Variants in U2SURP observed in about 807,000 individuals in gnomAD.
The protein encoded by U2SURP is U2 snRNP-associated SURP motif-containing protein.
Under a neutral mutation model 144.9 loss-of-function variants are expected in U2SURP, and 9 were observed. The observed-to-expected ratio is 0.06, with a 90% CI of 0.04 to 0.11. The LOEUF (loss-of-function observed/expected upper bound fraction) is 0.11, where lower values mean the gene tolerates loss of function less well. U2SURP is among the 10% of genes least tolerant of loss of function. U2SURP has a pLI of 1.00. For missense variants in U2SURP, 724 were observed against 1,226.7 expected, an observed-to-expected ratio of 0.59 and a Z score of 6.12; for synonymous variants, 408 against 396.8, an observed-to-expected ratio of 1.03 and a Z score of -0.33.
intron 1 of U2SURP, among the ~76,000 whole-genome samples, chr3:143,004,711 A>T (rs1299457983): frequency 2.6e-5 from 4 of 151,856 alleles, no homozygotes; most frequent in Non-Finnish European, 5.9e-5. Flanking sequence ...ATTGTCCCTA[A>T]TGAAGAGACC....
intron 16 of U2SURP, among the ~76,000 whole-genome samples, chr3:143,029,137 G>T (rs1933328581): frequency 1.3e-5 from 2 of 152,200 alleles, no homozygotes; most frequent in Admixed American, 6.6e-5. Context: ...GTACAGTGCA[G>T]CTAGCTGGTT....
chr3:143,003,441 C>T (rs1935641403), intron 1 of U2SURP, among the ~76,000 whole-genome samples: 1 of 152,148 alleles, frequency 6.6e-6, no homozygotes, highest in South Asian at 2.1e-4. Flanking sequence ...TCAATTCCCT[C>T]ATTTGTAATG....
intron 6 of U2SURP, among the ~76,000 whole-genome samples, chr3:143,019,590 T>G (rs1936536431): frequency 6.6e-6 from 1 of 152,206 alleles, no homozygotes; most frequent in South Asian, 2.1e-4. Flanking sequence ...ATTCCAAAAG[T>G]AGATTAAGAA....
intron 24 of U2SURP, among the ~76,000 whole-genome samples, chr3:143,050,713 AT>A (rs1473663639): frequency 6.6e-6 from 1 of 152,226 alleles, no homozygotes; most frequent in African/African-American, 2.4e-5. Context: ...TCTTACAGCC[AT>A]GAAGCACGGT....
Position 143,060,723 on chromosome 3 carries a change from G to A in U2SURP, c.*4273G>A, listed in dbSNP as rs897697729. On this transcript the variant is annotated 3_prime_UTR_variant, in exon 28 of 28. Coordinates refer to ENST00000473835, the MANE Select transcript of U2SURP (RefSeq NM_001080415.2). Reference sequence around the variant, plus strand: ...ATAATCATATGTTTTCATGCTAGATGGTTCTCTTGGTTAGGAAAGTTCATT... The same window carrying A: ...ATAATCATATGTTTTCATGCTAGATAGTTCTCTTGGTTAGGAAAGTTCATT... Among the ~76,000 whole-genome samples the A allele has an allele frequency of 1.3e-5, 2 of 151,820 alleles. No homozygotes were observed. The highest frequency in any genetic ancestry group is 4.8e-5 in the African/African-American group (2 of 41,390).
In U2SURP at chr3:143,027,004, T is replaced by C. The variant is rs149762607; in HGVS notation, c.1275-145T>C. The C allele has an allele frequency of 2.0e-3, 1,259 of 620,304 alleles. 22 individuals carry two copies. The East Asian group carries it at 0.027, about 13-fold the overall frequency. The allele number at this position is 620,304 out of a possible 1,614,324, so 38.4% of individuals were successfully genotyped here. ...TCTTAATGCACAAGGCATTAACATA[T>C]GCTCCAGGTTACTTTTTTGGTATTA... is the stretch of plus-strand genomic sequence containing the variant. On this transcript the variant is annotated intron_variant, in intron 13 of 27. Transcript: ENST00000473835.
chr3:143,016,793 A>G, intron 5 of U2SURP, 49 bp from the exon 6 acceptor site: 3 of 1,448,108 alleles, frequency 2.1e-6, no homozygotes, highest in Non-Finnish European at 2.7e-6. Flanking sequence ...AAAACAGTAA[A>G]GAAAAATATT....
chr3:143,026,503 A>G (rs1425081687), intron 13 of U2SURP: 1 of 152,132 alleles, frequency 6.6e-6, no homozygotes, highest in Non-Finnish European at 1.5e-5. Context: ...TATCTATTTC[A>G]TGAATTGTGA....
At chr3:143,021,098 G>A (rs1362032050) in intron 8 of U2SURP, among the ~76,000 whole-genome samples, 1 of 152,192 alleles carries the variant, frequency 6.6e-6, no homozygotes, top group African/African-American at 2.4e-5. Flanking sequence ...GGCTGAGGCA[G>A]AAGGATTGCT....
chr3:143,035,782 G>A (rs1163336687), intron 19 of U2SURP, among the ~76,000 whole-genome samples, 200 bp from the exon 20 acceptor site: 1 of 151,768 alleles, frequency 6.6e-6, no homozygotes, highest in Admixed American at 6.6e-5. Flanking sequence ...TTATTTTTAG[G>A]GGTTTTTTTC....
chr3:143,028,557 A>G lies in U2SURP; in HGVS notation c.1521A>G (p.Pro507=), dbSNP rs141375076. The G allele has an allele frequency of 5.0e-5, 80 of 1,595,606 alleles. 1 individual carries two copies. The African/African-American group carries it at 9.1e-4, about 18-fold the overall frequency. ...FKNGSFWRPP[P]LNPYLHGMSE... Reference sequence around the variant, plus strand: ...ATGGATCTTTTTGGAGGCCACCACCATTAAATCCGTACTTGCATGGAATGT... The same window carrying G: ...ATGGATCTTTTTGGAGGCCACCACCGTTAAATCCGTACTTGCATGGAATGT... The change falls in exon 16 of 28, where the codon CCA becomes CCG. Residue 507 remains proline, a synonymous_variant. Coordinates refer to ENST00000473835, the MANE Select transcript of U2SURP (RefSeq NM_001080415.2).
In U2SURP at chr3:143,032,791, G is replaced by C. The variant is rs764553396; in HGVS notation, c.1618G>C (p.Asp540His). 1.9e-6 allele frequency: 3 copies of C among 1,611,776 alleles called. No individual in the cohort carries two copies. Among genetic ancestry groups the C allele is most frequent in the Non-Finnish European group, 1.7e-6 (2 of 1,178,830 alleles). ...KKGALKEEQR[D>H]KLEEILRGLT... ...AAAACAATTTATGTTCAGACAGAGG[G>C]ATAAATTGGAAGAAATCTTGCGGGG... Residue 540 changes from aspartate to histidine, a missense_variant, in exon 17 of 28, where the codon GAT becomes CAT. Physicochemically the swap from Asp to His is moderately conservative, Grantham distance 81 (BLOSUM62 -1). Coordinates refer to ENST00000473835, the MANE Select transcript of U2SURP (RefSeq NM_001080415.2).
chr3:143,022,811 T>A, intron 11 of U2SURP, 42 bp from the exon 12 acceptor site: 1 of 1,489,258 alleles, frequency 6.7e-7, no homozygotes, highest in Non-Finnish European at 8.9e-7. Context: ...GTTTGGAAAC[T>A]TTTGAGAGTT....
chr3:143,038,272 A>C, intron 22 of U2SURP, 69 bp downstream of exon 22: 1 of 1,186,176 alleles, frequency 8.4e-7, no homozygotes, highest in Non-Finnish European at 1.2e-6. Flanking sequence ...GTGCTTGTAT[A>C]TATGTTTTCC....
intron 23 of U2SURP, among the ~76,000 whole-genome samples, chr3:143,041,359 A>G (rs565379840): frequency 1.3e-5 from 2 of 152,098 alleles, no homozygotes; most frequent in East Asian, 3.9e-4. Flanking sequence ...AATGAGAAAT[A>G]TTAAGTAAAA....
intron 10 of U2SURP, 138 bp from the exon 11 acceptor site, chr3:143,022,359 G>T: frequency 1.5e-6 from 1 of 647,122 alleles, no homozygotes; most frequent in Non-Finnish European, 2.4e-6. Context: ...TACTTGTGTG[G>T]CGTTCCTGGT....
At chr3:143,038,318 C>A in intron 22 of U2SURP, 115 bp downstream of exon 22, 1 of 717,982 alleles carries the variant, frequency 1.4e-6, no homozygotes, top group Non-Finnish European at 2.1e-6. Flanking sequence ...CCTTAATGCT[C>A]AATGTTGTCA....
At chr3:143,033,431 A>C in intron 18 of U2SURP, 81 bp downstream of exon 18, 1 of 746,316 alleles carries the variant, frequency 1.3e-6, no homozygotes, top group Non-Finnish European at 2.2e-6. Context: ...TGTTTTGTTA[A>C]CATCCTGCAA....
At position 143,059,028 on chromosome 3, in the gene U2SURP, GAA is replaced by G. The variant is rs1389885873; in HGVS notation, c.*2581_*2582del. ...ACTCCCCTCTCTTCTGTAGGTGAGA[GAA>G]AATAAGTAAGTCTTGATCTGTTTCT... On this transcript the variant is annotated 3_prime_UTR_variant, in exon 28 of 28. Transcript: ENST00000473835. 2 of 152,130 alleles carry G rather than the reference GAA, an allele frequency of 1.3e-5. No individual in the cohort carries two copies. Among genetic ancestry groups the G allele is most frequent in the Non-Finnish European group, 2.9e-5 (2 of 67,826 alleles). The allele number at this position is 152,130 out of a possible 1,614,324, so 9.4% of individuals were successfully genotyped here.
Sources: gnomAD v4.1 joint callset for allele counts (sites outside exome capture counted in the v4.1 genomes callset) on GRCh38, gnomAD v4.1.1 for gene constraint, MANE v1.5 for transcripts, NCBI Gene and HGNC (gene_info 2026-07-23, HGNC 2026-07-21) for gene names.